The following CSMD1 variants were observed in gnomAD, a reference collection of about 807,000 sequenced individuals.
The protein encoded by CSMD1 is CUB and Sushi multiple domains 1.
CSMD1 carries 213 observed loss-of-function variants against 417.5 expected under a neutral mutation model. The observed-to-expected ratio is 0.51, with a 90% CI of 0.46 to 0.57. CSMD1 has a LOEUF of 0.57. CSMD1 is among the 20% of genes least tolerant of loss of function. CSMD1 has a pLI of 0.00. For synonymous variants in CSMD1, 2,862 were observed against 1,736.8 expected, an observed-to-expected ratio of 1.65 and a Z score of -16.11; for missense variants, 6,923 against 4,529.7, an observed-to-expected ratio of 1.53 and a Z score of -15.17.
intron 3 of CSMD1, among the ~76,000 whole-genome samples, chr8:4,384,596 T>A (rs1040538692): frequency 3.4e-4 from 52 of 152,162 alleles, no homozygotes; most frequent in African/African-American, 1.2e-3. Context: ...GGCATACATT[T>A]CTGGAAGAAA....
intron 2 of CSMD1, among the ~76,000 whole-genome samples, chr8:4,526,804 T>C (rs920849416): frequency 2.6e-5 from 4 of 152,198 alleles, no homozygotes; most frequent in African/African-American, 4.8e-5. Flanking sequence ...CAAGATACTC[T>C]AACCCTGGAG....
intron 8 of CSMD1, chr8:3,613,372 A>G (rs939250624): frequency 1.3e-5 from 4 of 311,386 alleles, no homozygotes; most frequent in Non-Finnish European, 1.9e-5. Context: ...AAACTCTTCT[A>G]TGGTATTCCA....
At chr8:4,138,399 C>A (rs73176382) in intron 3 of CSMD1, among the ~76,000 whole-genome samples, 1 of 151,572 alleles carries the variant, frequency 6.6e-6, no homozygotes, top group East Asian at 1.9e-4. Context: ...TGCCTCCTTA[C>A]GTCCAGTTCT....
At chr8:3,488,323 G>T (rs918950709) in intron 11 of CSMD1, among the ~76,000 whole-genome samples, 2 of 151,986 alleles carry the variant, frequency 1.3e-5, no homozygotes, top group Non-Finnish European at 2.9e-5. Context: ...GCCCAGGTTG[G>T]TCTCAAACTT....
intron 1 of CSMD1, among the ~76,000 whole-genome samples, chr8:4,832,977 C>T (rs939155834): frequency 5.3e-5 from 8 of 152,146 alleles, no homozygotes; most frequent in African/African-American, 1.7e-4. Context: ...CTGGCCTGCC[C>T]TGGGCACCAT....
At chr8:4,893,940 G>A (rs1232641156) in intron 1 of CSMD1, among the ~76,000 whole-genome samples, 3 of 152,092 alleles carry the variant, frequency 2.0e-5, no homozygotes, top group Non-Finnish European at 2.9e-5. Context: ...TGGTTTAAAT[G>A]TTGTAAAGCT....
chr8:4,923,444 G>T (rs1349745922), intron 1 of CSMD1, among the ~76,000 whole-genome samples: 1 of 152,126 alleles, frequency 6.6e-6, no homozygotes, highest in Non-Finnish European at 1.5e-5. Context: ...ATTCTCCATG[G>T]TGTGCTTATT....
intron 23 of CSMD1, among the ~76,000 whole-genome samples, chr8:3,316,122 A>C (rs1018679531): frequency 6.6e-6 from 1 of 152,180 alleles, no homozygotes; most frequent in Non-Finnish European, 1.5e-5. Flanking sequence ...TACATGGATG[A>C]ACTGAAATAA....
In CSMD1 at chr8:3,974,090, T is replaced by G. The variant is rs181663842; in HGVS notation, c.818+23813A>C. ...GTGCTCTGAAATGGTAGGTCTTATT[T>G]ATTATTTCTAATTACTTTTTGTACC... On this transcript the variant is annotated intron_variant, in intron 5 of 69. Coordinates refer to ENST00000635120, the MANE Select transcript of CSMD1 (RefSeq NM_033225.6). Among the ~76,000 whole-genome samples, 6 of 152,080 alleles carry G rather than the reference T, an allele frequency of 3.9e-5. No individual in the cohort carries two copies. In the East Asian group the frequency reaches 1.2e-3, roughly 29 times the overall value.
intron 2 of CSMD1, among the ~76,000 whole-genome samples, chr8:4,527,745 C>T (rs115458017): frequency 0.016 from 2,495 of 152,260 alleles, 59 homozygotes; most frequent in African/African-American, 0.051. Context: ...ATATACATGA[C>T]TTTAGACACA....
intron 3 of CSMD1, among the ~76,000 whole-genome samples, chr8:4,254,064 C>G (rs1438838274): frequency 2.0e-5 from 3 of 151,590 alleles, no homozygotes; most frequent in Non-Finnish European, 4.4e-5. Context: ...CTACTGGTGC[C>G]CACCACCACG....
rs933718382 is a variant in CSMD1, at chr8:3,238,572, C to T, written c.4154-8341G>A. On this transcript the variant is annotated intron_variant, in intron 26 of 69. Transcript: ENST00000635120. ...GGAACTTAGAGTGGGAGAGATGAAG[C>T]TGAAGGAAGATTTTGTGGTAAGGGG... is the stretch of plus-strand genomic sequence containing the variant. Among the ~76,000 whole-genome samples the T allele has an allele frequency of 4.6e-5, 7 of 151,998 alleles. No individual in the cohort carries two copies. In the South Asian group the frequency reaches 8.3e-4, roughly 18 times the overall value.
chr8:4,501,512 G>A (rs548657924), intron 2 of CSMD1, among the ~76,000 whole-genome samples: 3 of 152,266 alleles, frequency 2.0e-5, no homozygotes, highest in Admixed American at 2.0e-4. Flanking sequence ...CTCCTCATCT[G>A]CAGTTTCACT....
chr8:4,499,397 T>C (rs1390212613), intron 2 of CSMD1, among the ~76,000 whole-genome samples: 1 of 152,098 alleles, frequency 6.6e-6, no homozygotes, highest in Admixed American at 6.6e-5. Context: ...AGGGGTCAGG[T>C]TCTTATTACT....
At chr8:4,814,367 T>G (rs1460613538) in intron 1 of CSMD1, among the ~76,000 whole-genome samples, 2 of 152,192 alleles carry the variant, frequency 1.3e-5, no homozygotes, top group Non-Finnish European at 2.9e-5. Context: ...TGCCTCAGTC[T>G]CCCGAGTAGC....
At chr8:4,424,820 G>T (rs974305093) in intron 2 of CSMD1, among the ~76,000 whole-genome samples, 1 of 151,988 alleles carries the variant, frequency 6.6e-6, no homozygotes, top group Admixed American at 6.6e-5. Context: ...TTTGCCGGTG[G>T]TTTCCACTTG....
chr8:4,485,274 G>A (rs370650717), intron 2 of CSMD1, among the ~76,000 whole-genome samples: 13 of 152,120 alleles, frequency 8.5e-5, no homozygotes, highest in Admixed American at 2.0e-4. Flanking sequence ...TGCTTGGAAC[G>A]CCTGTCAGCT....
intron 5 of CSMD1, among the ~76,000 whole-genome samples, chr8:3,916,214 T>C (rs1473235613): frequency 1.3e-5 from 2 of 152,164 alleles, no homozygotes; most frequent in Non-Finnish European, 2.9e-5. Flanking sequence ...CTTCCAGATG[T>C]TGCCAACCGG....
chr8:3,719,162 T>G (rs891251921), intron 6 of CSMD1, among the ~76,000 whole-genome samples: 1 of 152,184 alleles, frequency 6.6e-6, no homozygotes, highest in Non-Finnish European at 1.5e-5. Context: ...TATACTTCGT[T>G]GCATTAAAGT....
Sources: allele counts gnomAD v4.1 joint callset (sites outside exome capture counted in the v4.1 genomes callset), GRCh38; gene constraint gnomAD v4.1.1; transcripts MANE v1.5; gene names NCBI Gene and HGNC (gene_info 2026-07-23, HGNC 2026-07-21).